ANO1: variants seen among roughly 807,000 people sequenced by gnomAD.
ANO1 encodes the protein anoctamin-1.
In ANO1, 59 loss-of-function variants were observed where a neutral mutation model predicts 124.0. The observed-to-expected ratio is 0.48, with a 90% CI of 0.39 to 0.59. ANO1 has a LOEUF of 0.59. Among genes scored for constraint, ANO1 ranks in the 20% least tolerant of loss-of-function variants. The pLI, the probability that ANO1 is intolerant of heterozygous loss-of-function variation, is 0.00. For synonymous variants in ANO1, 529 were observed against 532.0 expected (o/e 0.99, Z 0.08); for missense variants, 1,059 against 1,328.0 (o/e 0.80, Z 3.15).
At chr11:70,108,166 A>G in intron 5 of ANO1, 187 bp from the exon 6 acceptor site, 1 of 524,820 alleles carries the variant, frequency 1.9e-6, no homozygotes. Flanking sequence ...AGCCTTTGAC[A>G]GTGTTGAGAA....
chr11:70,030,493 G>A (rs1411948986), intron 1 of ANO1, among the ~76,000 whole-genome samples: 4 of 152,266 alleles, frequency 2.6e-5, no homozygotes, highest in African/African-American at 2.4e-5. Flanking sequence ...TGAATCTTAG[G>A]GGGTAAAACC....
upstream of ANO1, among the ~76,000 whole-genome samples, chr11:69,985,494 G>T (rs909320392): frequency 6.6e-6 from 1 of 152,172 alleles, no homozygotes; most frequent in East Asian, 1.9e-4. Flanking sequence ...TGGGGGAGGG[G>T]GCCAGGGCGC....
chr11:70,046,096 C>T (rs1205299609), intron 1 of ANO1, among the ~76,000 whole-genome samples: 3 of 152,054 alleles, frequency 2.0e-5, no homozygotes, highest in Non-Finnish European at 2.9e-5. Context: ...AAAAAGGACT[C>T]GATGCATGAC....
chr11:70,038,003 G>A (rs373180767), intron 1 of ANO1, among the ~76,000 whole-genome samples: 51 of 152,256 alleles, frequency 3.3e-4, no homozygotes, highest in African/African-American at 7.7e-4. Flanking sequence ...CGTGACTGTC[G>A]TGGCCAGTCG....
intron 1 of ANO1, among the ~76,000 whole-genome samples, chr11:70,054,180 C>T (rs1555006576): frequency 6.6e-6 from 1 of 152,206 alleles, no homozygotes; most frequent in Admixed American, 6.5e-5. Flanking sequence ...GTCCATGGAG[C>T]TAAGGAAACT....
the ANO1 span, among the ~76,000 whole-genome samples, chr11:69,972,141 C>A: frequency 7.5e-6 from 1 of 134,022 alleles, no homozygotes; most frequent in Non-Finnish European, 1.5e-5. Flanking sequence ...GAGCCAAGAT[C>A]ATGCTACTGC....
At chr11:70,109,619 G>C (rs1434120578) in intron 6 of ANO1, among the ~76,000 whole-genome samples, 1 of 152,222 alleles carries the variant, frequency 6.6e-6, no homozygotes, top group Non-Finnish European at 1.5e-5. Flanking sequence ...ACCGCTGCCA[G>C]GGCACAGCCT....
chr11:70,130,711 G>A (rs1319365679), intron 10 of ANO1, among the ~76,000 whole-genome samples: 1 of 152,206 alleles, frequency 6.6e-6, no homozygotes, highest in Non-Finnish European at 1.5e-5. Context: ...CTGGCCCCAG[G>A]CTCACCTGTG....
intron 11 of ANO1, among the ~76,000 whole-genome samples, chr11:70,141,225 G>A (rs1000178330): frequency 6.6e-6 from 1 of 152,206 alleles, no homozygotes; most frequent in African/African-American, 2.4e-5. Context: ...TCCCCCATGG[G>A]CTGTGGCCGT....
intron 23 of ANO1, 129 bp from the exon 24 acceptor site, chr11:70,182,373 A>C: frequency 1.4e-6 from 1 of 706,620 alleles, no homozygotes; most frequent in South Asian, 3.0e-5. Flanking sequence ...CTGTGCGGCT[A>C]TGGTCCCCGC....
At chr11:70,160,655 TGTGA>T (rs1280977401) in intron 16 of ANO1, among the ~76,000 whole-genome samples, 3 of 152,174 alleles carry the variant, frequency 2.0e-5, no homozygotes, top group African/African-American at 7.2e-5. Flanking sequence ...GGGAGGTGGC[TGTGA>T]GAGAGGCACA....
intron 1 of ANO1, among the ~76,000 whole-genome samples, chr11:70,002,461 CAA>C (rs56246522): frequency 1.1e-4 from 10 of 94,938 alleles, no homozygotes; most frequent in Admixed American, 2.7e-4. Flanking sequence ...GAGACTCCAC[CAA>C]AAAAAAAAAA....
intron 1 of ANO1, among the ~76,000 whole-genome samples, chr11:70,045,202 G>C (rs781895559): frequency 1.3e-5 from 2 of 152,190 alleles, no homozygotes; most frequent in South Asian, 4.1e-4. Flanking sequence ...TTCCTTGTGC[G>C]ATCTTGGCAA....
Position 70,171,156 on chromosome 11 carries a change from T to TG in ANO1, c.2350+117_2350+118insG, listed in dbSNP as rs1250562216. 5.5e-5 allele frequency: 77 copies of TG among 1,389,686 alleles called. 1 individual carries two copies. The highest frequency in any genetic ancestry group is 2.9e-6 in the Non-Finnish European group (3 of 1,033,940). 86.1% of individuals were successfully genotyped at this position (1,389,686 alleles called of 1,614,324 possible). On this transcript the variant is annotated intron_variant, in intron 22 of 25. Coordinates refer to ENST00000355303, the MANE Select transcript of ANO1 (RefSeq NM_018043.7). Reference sequence around the variant, plus strand: ...TGGCCAGGTGTCCCTCCTGGGGCTCTTCACTCAGCCTTTGCCGGGTGGAGC... The same window carrying TG: ...TGGCCAGGTGTCCCTCCTGGGGCTCTGTCACTCAGCCTTTGCCGGGTGGAGC...
At chr11:70,048,413 A>G (rs1335151876) in intron 1 of ANO1, among the ~76,000 whole-genome samples, 4 of 152,124 alleles carry the variant, frequency 2.6e-5, no homozygotes, top group African/African-American at 4.8e-5. Context: ...ACTTGTTTCA[A>G]AAATGGTTAT....
intron 25 of ANO1, among the ~76,000 whole-genome samples, chr11:70,186,364 A>G (rs905033936): frequency 8.3e-6 from 1 of 120,276 alleles, no homozygotes; most frequent in African/African-American, 2.8e-5. Flanking sequence ...GGAAGGAAGG[A>G]AGGAAGGAAG....
intron 22 of ANO1, 46 bp downstream of exon 22, chr11:70,171,085 G>T: frequency 6.3e-7 from 1 of 1,587,766 alleles, no homozygotes; most frequent in South Asian, 1.1e-5. Flanking sequence ...AGTGCGTGCT[G>T]GGTTTGGGGA....
At chr11:70,140,644 A>G (rs1487026654) in intron 11 of ANO1, among the ~76,000 whole-genome samples, 2 of 152,220 alleles carry the variant, frequency 1.3e-5, no homozygotes, top group East Asian at 1.9e-4. Context: ...CCCTAGGTAC[A>G]GTGCTTGTTT....
intron 1 of ANO1, among the ~76,000 whole-genome samples, chr11:69,990,869 T>G (rs1856140432): frequency 6.6e-6 from 1 of 152,234 alleles, no homozygotes; most frequent in South Asian, 2.1e-4. Context: ...TATTAAACTT[T>G]TATCAGCTGA....
Sources: allele counts gnomAD v4.1 joint callset (sites outside exome capture counted in the v4.1 genomes callset), GRCh38; gene constraint gnomAD v4.1.1; transcripts MANE v1.5; gene names NCBI Gene and HGNC (gene_info 2026-07-23, HGNC 2026-07-21).